ANKRD30B: variants seen among roughly 807,000 people sequenced by gnomAD.
ANKRD30B encodes ankyrin repeat domain 30B.
Under a neutral mutation model 202.2 loss-of-function variants are expected in ANKRD30B, and 144 were observed. The observed-to-expected ratio is 0.71, with a 90% CI of 0.62 to 0.82. The LOEUF is 0.82. ANKRD30B is among the 40% of genes least tolerant of loss of function. The pLI is 0.00. For missense variants in ANKRD30B, 1,487 were observed against 1,669.1 expected, an observed-to-expected ratio of 0.89 and a Z score of 1.90; for synonymous variants, 508 against 561.3, an observed-to-expected ratio of 0.91 and a Z score of 1.34.
intron 39 of ANKRD30B, among the ~76,000 whole-genome samples, chr18:14,846,001 G>A (rs1162950841): frequency 6.6e-6 from 1 of 151,808 alleles, no homozygotes; most frequent in African/African-American, 2.4e-5. Context: ...AAAATTGCAA[G>A]GACAAAGACA....
chr18:14,877,308 GATGAATGAATGAATGA>G, the ANKRD30B span, among the ~76,000 whole-genome samples: 273 of 111,470 alleles, frequency 2.4e-3, no homozygotes, highest in Middle Eastern at 4.8e-3. Context: ...CTCAATAAAT[GATGAATGAATGAATGA>G]ATGAATGAAT....
At chr18:14,917,502 C>CT in the ANKRD30B span, among the ~76,000 whole-genome samples, 3 of 152,220 alleles carry the variant, frequency 2.0e-5, no homozygotes, top group African/African-American at 7.2e-5. Flanking sequence ...TGCAATCACC[C>CT]TGGACACCAG....
At chr18:14,764,865 T>C (rs1915858006) in intron 7 of ANKRD30B, among the ~76,000 whole-genome samples, 1 of 152,222 alleles carries the variant, frequency 6.6e-6, no homozygotes, top group Non-Finnish European at 1.5e-5. Context: ...TACCACATGC[T>C]CATTTCTAAG....
chr18:14,935,359 G>A, the ANKRD30B span, among the ~76,000 whole-genome samples: 2 of 152,204 alleles, frequency 1.3e-5, no homozygotes, highest in African/African-American at 4.8e-5. Flanking sequence ...ACAGCCCTGG[G>A]CCTTTTGTGG....
chr18:14,750,659 T>C (rs1460334120), intron 1 of ANKRD30B, among the ~76,000 whole-genome samples: 1 of 152,124 alleles, frequency 6.6e-6, no homozygotes, highest in East Asian at 1.9e-4. Flanking sequence ...AAAATATCAA[T>C]GTATTAAAAA....
the ANKRD30B span, among the ~76,000 whole-genome samples, chr18:14,866,112 T>TC: frequency 6.6e-6 from 1 of 152,218 alleles, no homozygotes; most frequent in African/African-American, 2.4e-5. Context: ...TCTCACCCAA[T>TC]CGGAACATGT....
At chr18:14,902,963 A>G in the ANKRD30B span, among the ~76,000 whole-genome samples, 3 of 152,208 alleles carry the variant, frequency 2.0e-5, no homozygotes, top group Non-Finnish European at 2.9e-5. Flanking sequence ...GTAACAAATT[A>G]CTACCAACTT....
At chr18:14,859,994 C>T in the ANKRD30B span, among the ~76,000 whole-genome samples, 1 of 140,578 alleles carries the variant, frequency 7.1e-6, no homozygotes, top group Non-Finnish European at 1.5e-5. Flanking sequence ...CTCCCCACTT[C>T]CCAGACAGGG....
the ANKRD30B span, among the ~76,000 whole-genome samples, chr18:14,919,929 T>A: frequency 1.3e-5 from 2 of 152,210 alleles, no homozygotes; most frequent in Non-Finnish European, 2.9e-5. Context: ...GCTTCTGTGC[T>A]GGTAGTGGCT....
rs1032837077 is a variant in ANKRD30B at position 14,804,797 on chromosome 18, G to A, written c.2284+973G>A. On this transcript the variant is annotated intron_variant, in intron 24 of 43. Coordinates refer to ENST00000690538, the MANE Select transcript of ANKRD30B (RefSeq NM_001367607.2). ...GGAAAGAGTGTGTGTTGAATGGGAA[G>A]AATCAAGAACACAAGTCTAGTGATT... Among the ~76,000 whole-genome samples, 2 of 150,502 alleles carry A rather than the reference G, an allele frequency of 1.3e-5. 1 individual carries two copies. Among genetic ancestry groups the A allele is most frequent in the Non-Finnish European group, 3.0e-5 (2 of 67,618 alleles).
chr18:14,768,909 G>T (rs1289251861), intron 7 of ANKRD30B, among the ~76,000 whole-genome samples: 1 of 152,184 alleles, frequency 6.6e-6, no homozygotes, highest in Admixed American at 6.5e-5. Context: ...GTAGAGATCA[G>T]ATTGTGATAA....
the ANKRD30B span, among the ~76,000 whole-genome samples, chr18:14,909,493 C>T: frequency 3.0e-4 from 46 of 152,230 alleles, no homozygotes; most frequent in African/African-American, 9.4e-4. Context: ...CTACAACCTC[C>T]GCCTCCCGGA....
At chr18:14,807,726 T>C (rs1399434211) in intron 24 of ANKRD30B, among the ~76,000 whole-genome samples, 1 of 150,062 alleles carries the variant, frequency 6.7e-6, no homozygotes, top group Non-Finnish European at 1.5e-5. Context: ...GAGACAGGGT[T>C]TCGCTATTTT....
chr18:14,826,677 C>CT (rs1970673683), intron 32 of ANKRD30B, among the ~76,000 whole-genome samples: 1 of 132,960 alleles, frequency 7.5e-6, no homozygotes. Flanking sequence ...TCTCTCTCCC[C>CT]CTCTCTCTCT....
chr18:14,818,896 C>A (rs546281656), intron 30 of ANKRD30B, among the ~76,000 whole-genome samples: 2,560 of 151,860 alleles, frequency 0.017, 76 homozygotes, highest in African/African-American at 0.059. Context: ...ATGGCTGGGT[C>A]AAATGGTATT....
chr18:14,772,126 T>C, intron 8 of ANKRD30B, 30 bp from the exon 9 acceptor site: 1 of 1,348,206 alleles, frequency 7.4e-7, no homozygotes, highest in Non-Finnish European at 9.9e-7. Context: ...ATGAATTTGC[T>C]CATTTATGTT....
intron 3 of ANKRD30B, among the ~76,000 whole-genome samples, chr18:14,753,832 T>C (rs1253538059): frequency 6.6e-6 from 1 of 152,046 alleles, no homozygotes; most frequent in Non-Finnish European, 1.5e-5. Flanking sequence ...CCCTTAAAAT[T>C]CAAGTGATTT....
intron 28 of ANKRD30B, among the ~76,000 whole-genome samples, chr18:14,810,795 T>C (rs1471472823): frequency 6.6e-6 from 1 of 151,182 alleles, no homozygotes; most frequent in Non-Finnish European, 1.5e-5. Context: ...TTAATTTTTG[T>C]TGTCATTCCC....
In ANKRD30B at chr18:14,752,824, C is replaced by G. The variant is rs1424536433; in HGVS notation, c.337-15C>G. 4 of 1,602,040 alleles carry G rather than the reference C, an allele frequency of 2.5e-6. No individual in the cohort carries two copies. In the African/African-American group the frequency reaches 5.4e-5, roughly 22 times the overall value. ...CCTATAATTTATAATGTACTTCTTG[C>G]TTTAATACTGACAGGCTCTACAATG... is the stretch of plus-strand genomic sequence containing the variant. On this transcript the variant is annotated splice_polypyrimidine_tract_variant and intron_variant, in intron 2 of 43. Coordinates refer to ENST00000690538, the MANE Select transcript of ANKRD30B (RefSeq NM_001367607.2).
Sources: allele counts gnomAD v4.1 joint callset (sites outside exome capture counted in the v4.1 genomes callset), GRCh38; gene constraint gnomAD v4.1.1; transcripts MANE v1.5; gene names NCBI Gene and HGNC (gene_info 2026-07-23, HGNC 2026-07-21).